The following WWC2 variants were observed in gnomAD, a reference collection of about 807,000 sequenced individuals.
The protein encoded by WWC2 is WW and C2 domain containing 2.
A neutral mutation model predicts 138.5 loss-of-function variants in WWC2; 101 were observed. That is an observed-to-expected ratio of 0.73 (90% CI 0.62 to 0.86). The LOEUF (loss-of-function observed/expected upper bound fraction) is 0.86, where lower values mean the gene tolerates loss of function less well. Among genes scored for constraint, WWC2 ranks in the 40% least tolerant of loss-of-function variants. The pLI, the probability that WWC2 is intolerant of heterozygous loss-of-function variation, is 0.00. For synonymous variants in WWC2, 558 were observed against 538.4 expected (o/e 1.04, Z -0.50); for missense variants, 1,420 against 1,419.4 (o/e 1.00, Z -0.01).
At chr4:183,268,746 T>C (rs1737589650) in intron 14 of WWC2, among the ~76,000 whole-genome samples, 2 of 152,094 alleles carry the variant, frequency 1.3e-5, no homozygotes, top group African/African-American at 2.4e-5. Context: ...TCGTGGTGAG[T>C]GGAGGCTGGG....
chr4:183,216,202 G>A (rs374011412), intron 4 of WWC2, among the ~76,000 whole-genome samples: 9 of 152,260 alleles, frequency 5.9e-5, no homozygotes, highest in African/African-American at 1.9e-4. Context: ...TTGTACATAC[G>A]TTTTGCAATC....
At chr4:183,226,881 A>G (rs1341314489) in intron 4 of WWC2, among the ~76,000 whole-genome samples, 1 of 152,096 alleles carries the variant, frequency 6.6e-6, no homozygotes, top group Non-Finnish European at 1.5e-5. Context: ...GAAAGATTTC[A>G]TAGAGACTGT....
In WWC2 at chr4:183,105,944, A is replaced by G. The variant is rs374177478; in HGVS notation, c.131+6322A>G. 7.9e-5 allele frequency among the ~76,000 whole-genome samples: 12 copies of G among 151,690 alleles called. 1 individual carries two copies. The highest frequency in any genetic ancestry group is 2.7e-4 in the African/African-American group (11 of 41,414). ...CTTTATGCATTTCTAAACTCCTGTT[A>G]CTGAAAAAGTTACCACAGAATAATG... On this transcript the variant is annotated intron_variant, in intron 1 of 22. Transcript: ENST00000403733.
chr4:183,242,390 G>C (rs538457201), intron 5 of WWC2, among the ~76,000 whole-genome samples: 1 of 152,164 alleles, frequency 6.6e-6, no homozygotes, highest in Admixed American at 6.5e-5. Context: ...GAATTATAAT[G>C]TAATTTAAAC....
intron 16 of WWC2, among the ~76,000 whole-genome samples, chr4:183,277,433 A>G (rs1379525575): frequency 6.0e-5 from 9 of 150,698 alleles, no homozygotes; most frequent in African/African-American, 1.5e-4. Context: ...TAATGCTGCA[A>G]TAAACATACG....
chr4:183,150,625 G>A (rs1015433495), intron 1 of WWC2, among the ~76,000 whole-genome samples: 2 of 151,884 alleles, frequency 1.3e-5, no homozygotes, highest in Admixed American at 1.3e-4. Context: ...GGTTTGCTGC[G>A]CCCATTAACT....
At chr4:183,153,280 C>T (rs1307121060) in intron 1 of WWC2, among the ~76,000 whole-genome samples, 1 of 152,082 alleles carries the variant, frequency 6.6e-6, no homozygotes, top group Non-Finnish European at 1.5e-5. Context: ...TGAACCAAAG[C>T]TCAGAGAGAT....
At position 183,111,787 on chromosome 4, in the gene WWC2, T is replaced by G. The variant is rs1341030099; in HGVS notation, c.131+12165T>G. On this transcript the variant is annotated intron_variant, in intron 1 of 22. Transcript: ENST00000403733. ...TGGCTCGTTGCAGCCTCAATCTCCCTGGGCTCAGGTGATCCTCCCACCTCA... is the reference window on the plus strand; with the variant it reads ...TGGCTCGTTGCAGCCTCAATCTCCCGGGGCTCAGGTGATCCTCCCACCTCA... 4.0e-5 allele frequency among the ~76,000 whole-genome samples: 6 copies of G among 151,624 alleles called. No individual in the cohort carries two copies. The South Asian group carries it at 1.3e-3, about 32-fold the overall frequency.
intron 1 of WWC2, among the ~76,000 whole-genome samples, chr4:183,119,216 A>G (rs72691684): frequency 0.043 from 6,572 of 152,256 alleles, 176 homozygotes; most frequent in African/African-American, 0.072. Context: ...CCCTGCCGTT[A>G]AGATGAATTT....
At position 183,320,730 on chromosome 4, in the gene WWC2, G is replaced by C. The variant is rs527510014; in HGVS notation, c.*5001G>C. The C allele has an allele frequency of 5.8e-6, 1 of 172,506 alleles. No homozygotes were observed. The highest frequency in any genetic ancestry group is 1.7e-4 in the South Asian group (1 of 5,742). The allele number at this position is 172,506 out of a possible 1,614,324, so 10.7% of individuals were successfully genotyped here. A position where few individuals can be genotyped will look rare whatever the true frequency, so the allele number is the denominator to read the frequency against. ...TACTGAGTGTTATTTTTTAAAAATA[G>C]GTTTAAGAAAAGTATTTCTTAACCA... On this transcript the variant is annotated 3_prime_UTR_variant, in exon 23 of 23. Transcript: ENST00000403733.
At chr4:183,264,954 G>T in intron 11 of WWC2, 24 bp from the exon 12 acceptor site, 1 of 1,602,894 alleles carries the variant, frequency 6.2e-7, no homozygotes, top group South Asian at 1.1e-5. Context: ...ATTCTGATTA[G>T]TGCTCTCACC....
intron 1 of WWC2, among the ~76,000 whole-genome samples, chr4:183,174,232 T>A (rs1004319968): frequency 6.6e-6 from 1 of 152,204 alleles, no homozygotes; most frequent in Non-Finnish European, 1.5e-5. Flanking sequence ...TTCTAGAGAA[T>A]AAACCTTCTG....
chr4:183,281,046 G>T (rs893004082), intron 17 of WWC2, 149 bp downstream of exon 17: 1 of 1,183,146 alleles, frequency 8.5e-7, no homozygotes, highest in Non-Finnish European at 1.1e-6. Flanking sequence ...GTCTTTCCTT[G>T]GTCATTAGAG....
intron 1 of WWC2, among the ~76,000 whole-genome samples, chr4:183,173,372 T>C (rs909692536): frequency 6.6e-6 from 1 of 152,068 alleles, no homozygotes; most frequent in Non-Finnish European, 1.5e-5. Flanking sequence ...CTTTTGATAG[T>C]AACCTGTTCT....
intron 5 of WWC2, among the ~76,000 whole-genome samples, chr4:183,241,323 A>C (rs773808504): frequency 2.0e-5 from 3 of 152,198 alleles, no homozygotes; most frequent in Non-Finnish European, 4.4e-5. Context: ...GGGATGCTCC[A>C]AGCAGCAAGC....
intron 1 of WWC2, among the ~76,000 whole-genome samples, chr4:183,113,515 T>TGTGTGCGC (rs371819502): frequency 1.5e-4 from 19 of 126,722 alleles, no homozygotes; most frequent in African/African-American, 5.4e-4. Flanking sequence ...TGTGTGTGTG[T>TGTGTGCGC]GCGCGCGCGT....
At chr4:183,137,566 T>A (rs1733158980) in intron 1 of WWC2, among the ~76,000 whole-genome samples, 1 of 152,098 alleles carries the variant, frequency 6.6e-6, no homozygotes, top group Non-Finnish European at 1.5e-5. Context: ...TGGCACGATC[T>A]TGGCTCACCG....
intron 1 of WWC2, among the ~76,000 whole-genome samples, chr4:183,171,325 A>G (rs1376677813): frequency 6.6e-6 from 1 of 152,208 alleles, no homozygotes; most frequent in Non-Finnish European, 1.5e-5. Context: ...GGGATTTCCA[A>G]ATGAAAACTG....
At chr4:183,239,239 C>T (rs1480982575) in intron 4 of WWC2, among the ~76,000 whole-genome samples, 4 of 151,838 alleles carry the variant, frequency 2.6e-5, no homozygotes, top group East Asian at 1.9e-4. Flanking sequence ...CGCTTGAACC[C>T]GGGAGGCGGA....
Sources: allele counts gnomAD v4.1 joint callset (sites outside exome capture counted in the v4.1 genomes callset), GRCh38; gene constraint gnomAD v4.1.1; transcripts MANE v1.5; gene names NCBI Gene and HGNC (gene_info 2026-07-23, HGNC 2026-07-21).